The following CADM1 variants were observed in gnomAD, a reference collection of about 807,000 sequenced individuals.
The protein encoded by CADM1 is cell adhesion molecule 1.
A neutral mutation model predicts 53.1 loss-of-function variants in CADM1; 15 were observed. That is an observed-to-expected ratio of 0.28 (90% CI 0.19 to 0.44). The LOEUF is 0.44. CADM1 is among the 20% of genes least tolerant of loss of function. The pLI, the probability that CADM1 is intolerant of heterozygous loss-of-function variation, is 1.00. For missense variants in CADM1, 434 were observed against 611.3 expected, an observed-to-expected ratio of 0.71 and a Z score of 3.06; for synonymous variants, 281 against 243.0, an observed-to-expected ratio of 1.16 and a Z score of -1.45.
intron 1 of CADM1, among the ~76,000 whole-genome samples, chr11:115,374,344 CA>C (rs1159919264): frequency 6.6e-6 from 1 of 152,084 alleles, no homozygotes; most frequent in Non-Finnish European, 1.5e-5. Flanking sequence ...TAAAGCAAAA[CA>C]AAACTTTCAT....
chr11:115,316,140 C>T (rs1171655870), intron 1 of CADM1, among the ~76,000 whole-genome samples: 2 of 152,208 alleles, frequency 1.3e-5, no homozygotes, highest in African/African-American at 4.8e-5. Context: ...CTAAGATACA[C>T]ACATTTTTTA....
intron 1 of CADM1, among the ~76,000 whole-genome samples, chr11:115,338,980 G>A (rs1208774427): frequency 7.1e-6 from 1 of 141,518 alleles, no homozygotes; most frequent in Non-Finnish European, 1.5e-5. Flanking sequence ...GTGCCATGCC[G>A]GTGCGCTGCA....
At chr11:115,483,676 G>T (rs1270198299) in intron 1 of CADM1, among the ~76,000 whole-genome samples, 1 of 152,148 alleles carries the variant, frequency 6.6e-6, no homozygotes, top group African/African-American at 2.4e-5. Flanking sequence ...CCTCTCACTA[G>T]TTAAAAATAC....
intron 1 of CADM1, among the ~76,000 whole-genome samples, chr11:115,438,783 G>A (rs1242864835): frequency 1.3e-5 from 2 of 152,112 alleles, no homozygotes; most frequent in African/African-American, 2.4e-5. Flanking sequence ...GTCCCAACTG[G>A]TAAGTATCCA....
At chr11:115,254,104 ATT>A (rs1418320339) in intron 1 of CADM1, among the ~76,000 whole-genome samples, 4 of 152,184 alleles carry the variant, frequency 2.6e-5, no homozygotes, top group Admixed American at 2.6e-4. Flanking sequence ...AAAAATATAT[ATT>A]GTTATTTTAA....
chr11:115,451,632 G>C (rs1397946817), intron 1 of CADM1, among the ~76,000 whole-genome samples: 1 of 152,228 alleles, frequency 6.6e-6, no homozygotes, highest in African/African-American at 2.4e-5. Context: ...AACAGGTATA[G>C]TGTAGTCATT....
At chr11:115,269,753 C>G (rs976404577) in intron 1 of CADM1, among the ~76,000 whole-genome samples, 15 of 152,200 alleles carry the variant, frequency 9.9e-5, no homozygotes, top group Admixed American at 8.5e-4. Flanking sequence ...CTTAAAGCAT[C>G]TGTCACTAGC....
chr11:115,439,814 T>C (rs1948268644), intron 1 of CADM1, among the ~76,000 whole-genome samples: 1 of 152,228 alleles, frequency 6.6e-6, no homozygotes, highest in South Asian at 2.1e-4. Context: ...TGCTCATTTT[T>C]CCTGGTTTAT....
At chr11:115,503,695 G>A (rs1949785399) in intron 1 of CADM1, among the ~76,000 whole-genome samples, 1 of 152,214 alleles carries the variant, frequency 6.6e-6, no homozygotes, top group Non-Finnish European at 1.5e-5. Flanking sequence ...TTGGGGACAG[G>A]GGAGAAAGGC....
intron 1 of CADM1, among the ~76,000 whole-genome samples, chr11:115,352,002 A>G (rs1056812781): frequency 6.6e-6 from 1 of 152,236 alleles, no homozygotes. Flanking sequence ...GAGTTTATTA[A>G]TATTCCCAAA....
chr11:115,219,792 T>A (rs930392914), intron 5 of CADM1, among the ~76,000 whole-genome samples: 1 of 152,160 alleles, frequency 6.6e-6, no homozygotes, highest in Non-Finnish European at 1.5e-5. Context: ...GTGGGTTTAT[T>A]GTTTGTAGTC....
chr11:115,305,496 G>A (rs902832482), intron 1 of CADM1, among the ~76,000 whole-genome samples: 1 of 151,828 alleles, frequency 6.6e-6, no homozygotes, highest in African/African-American at 2.4e-5. Context: ...CTTATTCTCT[G>A]CACCTTGATT....
chr11:115,487,084 T>A (rs1949390249), intron 1 of CADM1, among the ~76,000 whole-genome samples: 1 of 152,242 alleles, frequency 6.6e-6, no homozygotes, highest in African/African-American at 2.4e-5. Flanking sequence ...GCTCTCCCAG[T>A]AACCAGGCTT....
intron 1 of CADM1, among the ~76,000 whole-genome samples, chr11:115,308,526 G>T (rs980666901): frequency 1.3e-5 from 2 of 151,878 alleles, no homozygotes; most frequent in African/African-American, 4.8e-5. Context: ...ATGCAAAGCT[G>T]ATCTGTGATA....
chr11:115,445,768 C>A (rs1204230127), intron 1 of CADM1: 1 of 453,558 alleles, frequency 2.2e-6, no homozygotes, highest in African/African-American at 2.0e-5. Flanking sequence ...CACCTGAGCA[C>A]GGGAAGGCCG....
At chr11:115,310,778 A>G (rs1944513337) in intron 1 of CADM1, among the ~76,000 whole-genome samples, 1 of 152,218 alleles carries the variant, frequency 6.6e-6, no homozygotes, top group Non-Finnish European at 1.5e-5. Context: ...TAGAAAGAAT[A>G]GAAAACAAAT....
intron 1 of CADM1, among the ~76,000 whole-genome samples, chr11:115,467,870 T>G (rs1348743866): frequency 6.6e-6 from 1 of 152,192 alleles, no homozygotes; most frequent in Non-Finnish European, 1.5e-5. Context: ...ACATACCCAG[T>G]CACATCCATA....
chr11:115,233,451 G>C (rs1941897161), intron 3 of CADM1, among the ~76,000 whole-genome samples: 1 of 152,148 alleles, frequency 6.6e-6, no homozygotes, highest in African/African-American at 2.4e-5. Flanking sequence ...CTAGATGACA[G>C]TCACGTAGGT....
intron 1 of CADM1, among the ~76,000 whole-genome samples, chr11:115,262,958 T>C (rs1212913083): frequency 6.6e-6 from 1 of 152,244 alleles, no homozygotes. Context: ...GAGATGAATG[T>C]TGGTACAACA....
Sources: gnomAD v4.1 joint callset for allele counts (sites outside exome capture counted in the v4.1 genomes callset) on GRCh38, gnomAD v4.1.1 for gene constraint, MANE v1.5 for transcripts, NCBI Gene and HGNC (gene_info 2026-07-23, HGNC 2026-07-21) for gene names.